Variants in GLIS3 observed in about 807,000 individuals in gnomAD.
GLIS3 encodes the protein GLIS family zinc finger 3.
GLIS3 carries 53 observed loss-of-function variants against 78.6 expected under a neutral mutation model. The ratio of observed to expected loss-of-function variants is 0.67; its 90% CI spans 0.54 to 0.85. The LOEUF (loss-of-function observed/expected upper bound fraction) is 0.85, where lower values mean the gene tolerates loss of function less well. Among genes scored for constraint, GLIS3 ranks in the 40% least tolerant of loss-of-function variants. GLIS3 has a pLI of 0.00. For synonymous variants in GLIS3, 684 were observed against 509.9 expected, an observed-to-expected ratio of 1.34 and a Z score of -4.60; for missense variants, 1,703 against 1,231.1, an observed-to-expected ratio of 1.38 and a Z score of -5.74.
At chr9:4,128,677 T>G (rs1385838177) in intron 2 of GLIS3, among the ~76,000 whole-genome samples, 1 of 152,176 alleles carries the variant, frequency 6.6e-6, no homozygotes, top group African/African-American at 2.4e-5. Flanking sequence ...CTGAATGGAA[T>G]ATGAAGTCAG....
intron 2 of GLIS3, among the ~76,000 whole-genome samples, chr9:4,310,733 C>T (rs1293274344): frequency 1.3e-5 from 2 of 152,180 alleles, no homozygotes. Flanking sequence ...GGATTACCCG[C>T]TCTTGGGTCT....
At chr9:3,852,201 C>A (rs371790274) in intron 9 of GLIS3, among the ~76,000 whole-genome samples, 1 of 151,720 alleles carries the variant, frequency 6.6e-6, no homozygotes, top group Non-Finnish European at 1.5e-5. Context: ...GATAAAGGCA[C>A]CTGCATAGTT....
chr9:4,185,534 T>G (rs939828404), intron 2 of GLIS3, among the ~76,000 whole-genome samples: 1 of 152,204 alleles, frequency 6.6e-6, no homozygotes, highest in African/African-American at 2.4e-5. Flanking sequence ...AATTAGAGTG[T>G]GCCTTAAAGT....
the GLIS3 span, among the ~76,000 whole-genome samples, chr9:4,450,162 T>C: frequency 6.6e-6 from 1 of 152,156 alleles, no homozygotes; most frequent in Non-Finnish European, 1.5e-5. Context: ...AGTGACCTGA[T>C]GGAGCTGAAA....
intron 9 of GLIS3, among the ~76,000 whole-genome samples, chr9:3,829,802 C>T (rs1817944344): frequency 6.6e-6 from 1 of 152,216 alleles, no homozygotes; most frequent in South Asian, 2.1e-4. Context: ...GCCTGACCTT[C>T]AGGGGAGGTT....
intron 6 of GLIS3, among the ~76,000 whole-genome samples, chr9:3,905,817 C>T (rs903709287): frequency 6.6e-6 from 1 of 152,192 alleles, no homozygotes; most frequent in Non-Finnish European, 1.5e-5. Context: ...TTCCCTTTCT[C>T]TTCCTCTTCC....
intron 4 of GLIS3, among the ~76,000 whole-genome samples, chr9:4,041,336 C>A (rs556881590): frequency 6.6e-6 from 1 of 152,216 alleles, no homozygotes; most frequent in African/African-American, 2.4e-5. Flanking sequence ...GTGCACAGAA[C>A]AGCCTCTGCT....
chr9:4,094,783 T>C (rs1057510437), intron 4 of GLIS3, among the ~76,000 whole-genome samples: 10 of 152,246 alleles, frequency 6.6e-5, no homozygotes, highest in Non-Finnish European at 1.2e-4. Flanking sequence ...CGATGGCTTA[T>C]TTTAATGTAG....
At chr9:3,834,961 G>T (rs375577603) in intron 9 of GLIS3, among the ~76,000 whole-genome samples, 7 of 152,150 alleles carry the variant, frequency 4.6e-5, no homozygotes, top group Admixed American at 1.3e-4. Context: ...GTGCACCAGG[G>T]TGGCGATGTG....
the GLIS3 span, among the ~76,000 whole-genome samples, chr9:4,403,517 TAGAC>T: frequency 3.2e-4 from 49 of 152,264 alleles, no homozygotes; most frequent in East Asian, 8.5e-3. Context: ...TTTCAAGACA[TAGAC>T]AGCACAATAA....
the GLIS3 span, among the ~76,000 whole-genome samples, chr9:4,392,465 T>C: frequency 6.6e-6 from 1 of 152,154 alleles, no homozygotes; most frequent in Admixed American, 6.5e-5. Context: ...TGCACTAGTC[T>C]AGGTAGAACC....
chr9:4,401,433 A>G, the GLIS3 span, among the ~76,000 whole-genome samples: 1 of 142,710 alleles, frequency 7.0e-6, no homozygotes, highest in Admixed American at 7.1e-5. Context: ...CTAATTTTGT[A>G]TTTTTTTTTT....
chr9:4,197,905 G>A (rs542494792), intron 2 of GLIS3, among the ~76,000 whole-genome samples: 346 of 151,892 alleles, frequency 2.3e-3, no homozygotes, highest in African/African-American at 8.0e-3. Flanking sequence ...CTACAATCAC[G>A]CCCCCTAGGA....
intron 6 of GLIS3, among the ~76,000 whole-genome samples, chr9:3,919,316 G>A (rs1298469870): frequency 1.3e-5 from 2 of 152,198 alleles, no homozygotes; most frequent in African/African-American, 2.4e-5. Context: ...CTTGAGTACA[G>A]TTCTACTGCT....
At chr9:4,230,978 G>T (rs1030939609) in intron 2 of GLIS3, among the ~76,000 whole-genome samples, 1 of 152,104 alleles carries the variant, frequency 6.6e-6, no homozygotes, top group African/African-American at 2.4e-5. Flanking sequence ...AGACTGGAGT[G>T]GGATGATCAC....
At chr9:4,397,294 G>T in the GLIS3 span, among the ~76,000 whole-genome samples, 1 of 150,746 alleles carries the variant, frequency 6.6e-6, no homozygotes, top group East Asian at 1.9e-4. Flanking sequence ...CAAAGTGCTG[G>T]GATTACAGGC....
intron 4 of GLIS3, among the ~76,000 whole-genome samples, chr9:4,052,197 C>T (rs564387264): frequency 1.6e-4 from 25 of 152,258 alleles, no homozygotes; most frequent in African/African-American, 6.0e-4. Context: ...AAAACTTTCT[C>T]CCCATCCTCC....
chr9:4,041,202 G>C (rs538228764), intron 4 of GLIS3, among the ~76,000 whole-genome samples: 1 of 152,166 alleles, frequency 6.6e-6, no homozygotes, highest in Non-Finnish European at 1.5e-5. Context: ...AGCCCCGGGG[G>C]ATGTCTAGCA....
chr9:3,884,073 A>G (rs1821911216), intron 7 of GLIS3, among the ~76,000 whole-genome samples: 1 of 152,246 alleles, frequency 6.6e-6, no homozygotes, highest in Admixed American at 6.5e-5. Context: ...TGTGGTTCTC[A>G]GATGCCATCT....
Sources: allele counts gnomAD v4.1 joint callset (sites outside exome capture counted in the v4.1 genomes callset), GRCh38; gene constraint gnomAD v4.1.1; transcripts MANE v1.5; gene names NCBI Gene and HGNC (gene_info 2026-07-23, HGNC 2026-07-21).